DNAH11: variants seen among roughly 807,000 people sequenced by gnomAD.
DNAH11 encodes the protein dynein axonemal heavy chain 11.
DNAH11 carries 442 observed loss-of-function variants against 526.0 expected under a neutral mutation model. The observed-to-expected ratio is 0.84, with a 90% CI of 0.78 to 0.91. DNAH11 has a LOEUF of 0.91. DNAH11 is among the 40% of genes least tolerant of loss of function. The pLI is 0.00. For synonymous variants in DNAH11, 2,461 were observed against 1,935.9 expected (o/e 1.27, Z -7.12); for missense variants, 6,989 against 5,448.7 (o/e 1.28, Z -8.90).
chr7:21,839,762 A>C (rs915551217), intron 65 of DNAH11, among the ~76,000 whole-genome samples: 57 of 152,204 alleles, frequency 3.7e-4, no homozygotes, highest in African/African-American at 1.3e-3. Context: ...GGGTTTTCAA[A>C]AGTGGCTTAT....
intron 9 of DNAH11, among the ~76,000 whole-genome samples, chr7:21,583,824 A>G (rs1219559105): frequency 2.0e-5 from 3 of 152,258 alleles, no homozygotes; most frequent in African/African-American, 4.8e-5. Flanking sequence ...GAAACATGAA[A>G]AAAAGCTCAT....
chr7:21,842,624 A>G lies in DNAH11; in HGVS notation c.10772A>G (p.His3591Arg). Residue 3591 changes from histidine to arginine, a missense_variant, in exon 66 of 82, where the codon CAC (histidine) becomes CGC (arginine). His to Arg is a conservative substitution (Grantham distance 29). Coordinates refer to ENST00000409508, the MANE Select transcript of DNAH11 (RefSeq NM_001277115.2). The stretch of plus-strand genomic sequence containing the variant: ...CTTCACACAAAATTGGCAAATCCTC[A>G]CTATAAGCCGGAATTACAAGCTCAG... ...LILHTKLANPHYKPELQAQTT... is the reference protein window; with the variant it reads ...LILHTKLANPRYKPELQAQTT... 1 of 1,613,998 alleles carries G rather than the reference A, an allele frequency of 6.2e-7. No individual in the cohort carries two copies. The highest frequency in any genetic ancestry group is 8.5e-7 in the Non-Finnish European group (1 of 1,179,884).
At chr7:21,815,882 C>T (rs577267775) in intron 63 of DNAH11, among the ~76,000 whole-genome samples, 3 of 152,164 alleles carry the variant, frequency 2.0e-5, no homozygotes, top group Admixed American at 1.3e-4. Context: ...CCCTCCCCAA[C>T]CCCTTACTTT....
intron 45 of DNAH11, among the ~76,000 whole-genome samples, chr7:21,734,004 A>T (rs1018303154): frequency 6.6e-6 from 1 of 152,174 alleles, no homozygotes; most frequent in African/African-American, 2.4e-5. Context: ...GAGCAAACTA[A>T]CAAGAGTTCG....
chr7:21,833,106 A>G (rs1781852243), intron 65 of DNAH11, among the ~76,000 whole-genome samples: 1 of 152,240 alleles, frequency 6.6e-6, no homozygotes, highest in Non-Finnish European at 1.5e-5. Flanking sequence ...TTGAACAATA[A>G]CAAAAATTCT....
Position 21,545,033 on chromosome 7 carries a change from G to A in DNAH11, c.379G>A (p.Val127Ile), listed in dbSNP as rs1347076051. 1 of 1,594,390 alleles carries A rather than the reference G, an allele frequency of 6.3e-7. No homozygotes were observed. Among genetic ancestry groups the A allele is most frequent in the Non-Finnish European group, 8.5e-7 (1 of 1,169,986 alleles). Residue 127 changes from valine to isoleucine, a missense_variant, in exon 2 of 82, where the codon GTT becomes ATT. Coordinates refer to ENST00000409508, the MANE Select transcript of DNAH11 (RefSeq NM_001277115.2). The part of the protein sequence containing the change: ...EIPRDANHKL[V>I]FISKKITESI... ...TCCAAGAGATGCAAACCATAAACTT[G>A]TTTTTATTTCCAAGAAGATTACTGA...
intron 39 of DNAH11, among the ~76,000 whole-genome samples, chr7:21,706,690 T>C (rs1784276021): frequency 6.6e-6 from 1 of 152,216 alleles, no homozygotes; most frequent in Non-Finnish European, 1.5e-5. Flanking sequence ...AGTTCTGTTC[T>C]ACTCAACAGG....
chr7:21,745,625 A>G (rs1316456483), intron 51 of DNAH11, among the ~76,000 whole-genome samples: 1 of 152,240 alleles, frequency 6.6e-6, no homozygotes, highest in Non-Finnish European at 1.5e-5. Context: ...ATACAGCAGC[A>G]GTGAACACAA....
chr7:21,817,046 C>T (rs1354254354), intron 64 of DNAH11, among the ~76,000 whole-genome samples: 1 of 152,028 alleles, frequency 6.6e-6, no homozygotes, highest in African/African-American at 2.4e-5. Context: ...TCAAGGGTGC[C>T]TCCGGGCTTC....
At chr7:21,780,542 T>G (rs1787898781) in intron 57 of DNAH11, among the ~76,000 whole-genome samples, 1 of 152,188 alleles carries the variant, frequency 6.6e-6, no homozygotes, top group Non-Finnish European at 1.5e-5. Context: ...TCATCACAGA[T>G]ACTTTTTGGA....
In DNAH11 at chr7:21,559,703, C is replaced by CCAGCT. The variant is rs770628646; in HGVS notation, c.793_794insCAGCT (p.Arg265ProfsTer5). The CCAGCT allele has an allele frequency of 1.2e-6, 2 of 1,610,560 alleles. No individual in the cohort carries two copies. Among genetic ancestry groups the CCAGCT allele is most frequent in the Non-Finnish European group, 1.7e-6 (2 of 1,178,270 alleles). Reference sequence around the variant, plus strand: ...AATTATAGAAAGAGATTCAGTGCAGCGTTTGTTGAATGGTCTTCACTTGTC... The same window carrying CCAGCT: ...AATTATAGAAAGAGATTCAGTGCAGCCAGCTGTTTGTTGAATGGTCTTCACTTGTC... On this transcript the variant is annotated frameshift_variant, in exon 4 of 82. Transcript: ENST00000409508. LOFTEE classifies it high-confidence loss of function.
chr7:21,595,296 A>G (rs1240598220), intron 14 of DNAH11, among the ~76,000 whole-genome samples: 3 of 152,070 alleles, frequency 2.0e-5, no homozygotes, highest in Admixed American at 2.0e-4. Flanking sequence ...CTCCTCCTAA[A>G]CCCCTCCTCA....
In DNAH11 at chr7:21,545,063, A is replaced by G. The variant is rs1782753409; in HGVS notation, c.409A>G (p.Ile137Val). The G allele has an allele frequency of 6.2e-7, 1 of 1,605,026 alleles. No individual in the cohort carries two copies. The highest frequency in any genetic ancestry group is 8.5e-7 in the Non-Finnish European group (1 of 1,174,840). ...TATTTCCAAGAAGATTACTGAAAGC[A>G]TTGGAGTAAATGACTTTTCTCAAGT... ...VFISKKITES[I>V]GVNDFSQVVL... is the part of the protein sequence containing the mutation. The change falls in exon 2 of 82, where the codon ATT becomes GTT. Residue 137 changes from isoleucine to valine, a missense_variant. Coordinates refer to ENST00000409508, the MANE Select transcript of DNAH11 (RefSeq NM_001277115.2).
chr7:21,743,011 C>T (rs1174279241), intron 49 of DNAH11, among the ~76,000 whole-genome samples: 3 of 152,170 alleles, frequency 2.0e-5, no homozygotes, highest in African/African-American at 4.8e-5. Context: ...CAGAGCAAAT[C>T]GGGCAAATGC....
chr7:21,649,821 G>A (rs1046626408), intron 28 of DNAH11, among the ~76,000 whole-genome samples: 1 of 151,844 alleles, frequency 6.6e-6, no homozygotes, highest in Non-Finnish European at 1.5e-5. Flanking sequence ...GTGCACCACC[G>A]TGGCCAGCTA....
intron 61 of DNAH11, among the ~76,000 whole-genome samples, chr7:21,798,487 C>A (rs1788817178): frequency 6.6e-6 from 1 of 152,222 alleles, no homozygotes; most frequent in South Asian, 2.1e-4. Context: ...AGTATTTACT[C>A]TGTCTCTTCA....
chr7:21,877,979 G>A (rs1223804945), intron 74 of DNAH11, among the ~76,000 whole-genome samples: 5 of 150,724 alleles, frequency 3.3e-5, no homozygotes, highest in Non-Finnish European at 7.4e-5. Flanking sequence ...TTTAGAGTAA[G>A]AAGATAGATT....
chr7:21,702,781 T>C lies in DNAH11; in HGVS notation c.6252T>C (p.Asp2084=). 1.2e-6 allele frequency: 2 copies of C among 1,613,316 alleles called. No homozygotes were observed. The highest frequency in any genetic ancestry group is 1.7e-6 in the Non-Finnish European group (2 of 1,179,644). The part of the protein sequence containing the change: ...LVVAGSLKRG[D]KNRPEDQVLM... ...TGGCTGGATCTCTGAAACGAGGAGA[T>C]AAAAATAGACCCGAAGATCAGGTAC... is the stretch of plus-strand genomic sequence containing the variant. The change falls in exon 37 of 82, where the codon GAT becomes GAC. Residue 2084 remains aspartate, a synonymous_variant. Transcript: ENST00000409508.
chr7:21,679,216 A>G (rs947920468), intron 30 of DNAH11, among the ~76,000 whole-genome samples: 1 of 152,212 alleles, frequency 6.6e-6, no homozygotes, highest in Non-Finnish European at 1.5e-5. Context: ...TAACGGTACA[A>G]TGGTGGTTAC....
Sources: allele counts gnomAD v4.1 joint callset (sites outside exome capture counted in the v4.1 genomes callset), GRCh38; gene constraint gnomAD v4.1.1; transcripts MANE v1.5; gene names NCBI Gene and HGNC (gene_info 2026-07-23, HGNC 2026-07-21).